The following CNP variants were observed in gnomAD, a reference collection of about 807,000 sequenced individuals.
CNP encodes the protein 2',3'-cyclic-nucleotide 3'-phosphodiesterase.
Under a neutral mutation model 37.9 loss-of-function variants are expected in CNP, and 8 were observed. The ratio of observed to expected loss-of-function variants is 0.21; its 90% CI spans 0.12 to 0.38. CNP has a LOEUF of 0.38. Ranked by LOEUF, CNP falls within the 10% of genes least tolerant of loss-of-function variation. The probability of loss-of-function intolerance (pLI) is 1.00; values close to 1 mark genes in which losing one functional copy is unlikely to be tolerated. For missense variants in CNP, 457 were observed against 551.0 expected (o/e 0.83, Z 1.71); for synonymous variants, 237 against 238.3 (o/e 0.99, Z 0.05).
At position 41,976,832 on chromosome 17, in the gene CNP, C is replaced by T; in HGVS notation, c.*2908C>T. On this transcript the variant is annotated 3_prime_UTR_variant, in exon 4 of 4. Coordinates refer to ENST00000393892, the MANE Select transcript of CNP (RefSeq NM_033133.5). Reference sequence around the variant, plus strand: ...ATTTTCTAAGGAAGATCACTTTGCTCTGATTATGGAAAAGTCTTCAAGGGC... The same window carrying T: ...ATTTTCTAAGGAAGATCACTTTGCTTTGATTATGGAAAAGTCTTCAAGGGC... 1.9e-6 allele frequency: 3 copies of T among 1,583,410 alleles called. No individual in the cohort carries two copies. The highest frequency in any genetic ancestry group is 2.6e-6 in the Non-Finnish European group (3 of 1,168,088).
chr17:41,969,758 G>T (rs917657158), intron 2 of CNP, among the ~76,000 whole-genome samples: 1 of 152,162 alleles, frequency 6.6e-6, no homozygotes, highest in Non-Finnish European at 1.5e-5. Flanking sequence ...GTTTCACAAT[G>T]TTGGCCAGGC....
chr17:41,969,213 G>T (rs1206870242), intron 2 of CNP, among the ~76,000 whole-genome samples: 1 of 152,084 alleles, frequency 6.6e-6, no homozygotes, highest in African/African-American at 2.4e-5. Context: ...TTAAAACTAG[G>T]ACTATTGTGG....
Position 41,976,677 on chromosome 17 carries a change from TTCAAGA to T in CNP, c.*2755_*2760del. ...AGGGAGGAGGTGAACTGTTTCCACA[TTCAAGA>T]TTAAACTGAGTGAATCTGCATTTTC... On this transcript the variant is annotated 3_prime_UTR_variant, in exon 4 of 4. Coordinates refer to ENST00000393892, the MANE Select transcript of CNP (RefSeq NM_033133.5). 6.3e-7 allele frequency: 1 copy of T among 1,596,490 alleles called. No homozygotes were observed. The highest frequency in any genetic ancestry group is 1.4e-5 in the African/African-American group (1 of 73,506).
Position 41,974,932 on chromosome 17 carries a change from A to G in CNP, c.*1008A>G, listed in dbSNP as rs1462949558. The G allele has an allele frequency of 6.6e-6, 1 of 152,294 alleles. No individual in the cohort carries two copies. Among genetic ancestry groups the G allele is most frequent in the Non-Finnish European group, 1.5e-5 (1 of 68,140 alleles). 9.4% of individuals were successfully genotyped at this position (152,294 alleles called of 1,614,324 possible). ...CAGGGGCTGGTGGGCACCAAGAGCC[A>G]ATGGAGTAGACCCCTGGCTGGTAAG... On this transcript the variant is annotated 3_prime_UTR_variant, in exon 4 of 4. Coordinates refer to ENST00000393892, the MANE Select transcript of CNP (RefSeq NM_033133.5).
intron 2 of CNP, among the ~76,000 whole-genome samples, chr17:41,969,960 T>C (rs554297677): frequency 4.1e-4 from 62 of 152,338 alleles, no homozygotes; most frequent in African/African-American, 1.5e-3. Context: ...CTGTATGGGT[T>C]CTCAGAGAGC....
chr17:41,968,815 A>G lies in CNP; in HGVS notation c.676+75A>G, dbSNP rs1263038047. On this transcript the variant is annotated intron_variant, in intron 2 of 3. Transcript: ENST00000393892. This position sits in a 1 kb window ranked among gnomAD's most constrained non-coding sequence, Gnocchi z 4.8. Reference sequence around the variant, plus strand: ...GCTGCGGGCAAAGGACCATCATTGTACTCAAAGGATGGAGCACGAAGCAGC... The same window carrying G: ...GCTGCGGGCAAAGGACCATCATTGTGCTCAAAGGATGGAGCACGAAGCAGC... The G allele has an allele frequency of 3.4e-6, 5 of 1,463,876 alleles. No individual in the cohort carries two copies. The highest frequency in any genetic ancestry group is 1.4e-5 in the African/African-American group (1 of 70,198). 90.7% of individuals were successfully genotyped at this position (1,463,876 alleles called of 1,614,324 possible).
intron 1 of CNP, chr17:41,967,158 T>G: frequency 5.8e-6 from 2 of 347,656 alleles, no homozygotes; most frequent in Non-Finnish European, 5.1e-6. Flanking sequence ...TGGGTGGGCC[T>G]GGGCCGGGAG....
At chr17:41,972,921 TATC>T (rs1350938328) in intron 3 of CNP, among the ~76,000 whole-genome samples, 1 of 152,130 alleles carries the variant, frequency 6.6e-6, no homozygotes, top group Non-Finnish European at 1.5e-5. Flanking sequence ...GAAGCAGACA[TATC>T]ATCAGATGGG....
intron 3 of CNP, among the ~76,000 whole-genome samples, chr17:41,973,179 C>T (rs1183487034): frequency 6.6e-6 from 1 of 152,236 alleles, no homozygotes; most frequent in Non-Finnish European, 1.5e-5. Context: ...GAGAGGTCAG[C>T]CAGCCCGCTG....
chr17:41,968,230 C>T lies in CNP; in HGVS notation c.166C>T (p.Arg56Cys). Residue 56 changes from arginine to cysteine, a missense_variant, in exon 2 of 4, where the codon CGC (arginine) becomes TGC (cysteine). Coordinates refer to ENST00000393892, the MANE Select transcript of CNP (RefSeq NM_033133.5). The surrounding 1 kb of genome is among the most constrained non-coding windows in gnomAD (Gnocchi z 4.8). ...AGAGTGCAAGACGCTCTTCATCTTG[C>T]GCGGCCTGCCAGGAAGCGGCAAGTC... ...LLECKTLFIL[R>C]GLPGSGKSTL... is the part of the protein sequence containing the mutation. The T allele has an allele frequency of 1.2e-6, 2 of 1,614,210 alleles. No homozygotes were observed. Among genetic ancestry groups the T allele is most frequent in the East Asian group, 2.2e-5 (1 of 44,888 alleles).
In CNP at chr17:41,975,030, C is replaced by T. The variant is rs2051055677; in HGVS notation, c.*1106C>T. 1 of 152,326 alleles carries T rather than the reference C, an allele frequency of 6.6e-6. No individual in the cohort carries two copies. Among genetic ancestry groups the T allele is most frequent in the Non-Finnish European group, 1.5e-5 (1 of 68,142 alleles). The allele number at this position is 152,326 out of a possible 1,614,324, so 9.4% of individuals were successfully genotyped here. A position where few individuals can be genotyped will look rare whatever the true frequency, so the allele number is the denominator to read the frequency against. On this transcript the variant is annotated 3_prime_UTR_variant, in exon 4 of 4. Transcript: ENST00000393892. ...CTGTGTGCTGTGGTTCCTGGGGTGC[C>T]CTCCACTGCCCTCTGTTCAGTAACA... is the stretch of plus-strand genomic sequence containing the variant.
rs2051049276 is a variant in CNP, at chr17:41,974,774, T to C, written c.*850T>C. 1 of 152,464 alleles carries C rather than the reference T, an allele frequency of 6.6e-6. No individual in the cohort carries two copies. The highest frequency in any genetic ancestry group is 6.5e-5 in the Admixed American group (1 of 15,280). The allele number at this position is 152,464 out of a possible 1,614,324, so 9.4% of individuals were successfully genotyped here. ...GGGCTGGACTGGCTGTCCTTTCCAG[T>C]GGCCTGGCTCCGCTGTGTGGATGGG... On this transcript the variant is annotated 3_prime_UTR_variant, in exon 4 of 4. Transcript: ENST00000393892.
chr17:41,966,950 C>T (rs2050905949), intron 1 of CNP, 63 bp downstream of exon 1: 1 of 1,271,530 alleles, frequency 7.9e-7, no homozygotes, highest in Non-Finnish European at 9.9e-7. Context: ...TGTCGGGGCC[C>T]CTCGGGAGGA....
rs2051033462 is a variant in CNP at position 41,973,913 on chromosome 17, A to C, written c.1255A>C (p.Thr419Pro). The C allele has an allele frequency of 6.5e-7, 1 of 1,538,458 alleles. No homozygotes were observed. Among genetic ancestry groups the C allele is most frequent in the Non-Finnish European group, 8.8e-7 (1 of 1,142,778 alleles). Residue 419 changes from threonine to proline, a missense_variant, in exon 4 of 4, where the codon ACC becomes CCC. Physicochemically the swap from Thr to Pro is conservative, Grantham distance 38. This residue lies in a region of CNP where 291 missense variants were observed against 291.7 expected (regional missense o/e 1.00). Coordinates refer to ENST00000393892, the MANE Select transcript of CNP (RefSeq NM_033133.5). ...GAAGGGGGGCGCCTTGCAGTCCTGC[A>C]CCATCATATGAGTGTTCTCACCACC... ...SRKGGALQSCTII is the reference protein window; with the variant it reads ...SRKGGALQSCPII
At position 41,966,845 on chromosome 17, in the gene CNP, G is replaced by A; in HGVS notation, c.-40G>A. On this transcript the variant is annotated 5_prime_UTR_variant, in exon 1 of 4. Transcript: ENST00000393892. ...CGCAGGCGGGCGGCCCCGGAGCGCT[G>A]GTGCCGGCAGAGGCGGCGACGGTGG... The A allele has an allele frequency of 1.5e-6, 2 of 1,372,432 alleles. No homozygotes were observed. The highest frequency in any genetic ancestry group is 1.9e-6 in the Non-Finnish European group (2 of 1,064,898). The allele number at this position is 1,372,432 out of a possible 1,614,324, so 85.0% of individuals were successfully genotyped here. A position where few individuals can be genotyped will look rare whatever the true frequency, so the allele number is the denominator to read the frequency against.
At chr17:41,971,763 C>T in intron 2 of CNP, 129 bp from the exon 3 acceptor site, 1 of 1,210,812 alleles carries the variant, frequency 8.3e-7, no homozygotes, top group South Asian at 1.4e-5. Flanking sequence ...AATGAATGAG[C>T]TGTAGTGGGT....
chr17:41,972,692 T>G (rs1019541220), intron 3 of CNP, among the ~76,000 whole-genome samples: 13 of 152,162 alleles, frequency 8.5e-5, no homozygotes, highest in Non-Finnish European at 1.8e-4. Context: ...GAAGCTCCCC[T>G]GAGGGCGAGT....
At chr17:41,967,031 G>A in intron 1 of CNP, 144 bp downstream of exon 1, 2 of 940,332 alleles carry the variant, frequency 2.1e-6, no homozygotes, top group Non-Finnish European at 2.8e-6. Context: ...GGGCGGCCCT[G>A]AGGTCTGGGA....
intron 1 of CNP, chr17:41,967,748 T>G: frequency 9.1e-7 from 1 of 1,102,846 alleles, no homozygotes; most frequent in South Asian, 3.5e-5. Context: ...AAAGAGGACG[T>G]CCTTAGTAGG....
Sources: allele counts gnomAD v4.1 joint callset (sites outside exome capture counted in the v4.1 genomes callset), GRCh38; gene constraint gnomAD v4.1.1; regional missense constraint gnomAD v4.1.1; non-coding constraint Gnocchi (gnomAD v3.1); transcripts MANE v1.5; gene names NCBI Gene and HGNC (gene_info 2026-07-23, HGNC 2026-07-21).